The following TTC28 variants were observed in gnomAD, a reference collection of about 807,000 sequenced individuals.
TTC28 encodes the protein tetratricopeptide repeat protein 28.
A neutral mutation model predicts 198.0 loss-of-function variants in TTC28; 61 were observed. The observed-to-expected ratio is 0.31, with a 90% CI of 0.25 to 0.38. The LOEUF (loss-of-function observed/expected upper bound fraction) is 0.38, where lower values mean the gene tolerates loss of function less well. Ranked by LOEUF, TTC28 falls within the 10% of genes least tolerant of loss-of-function variation. The probability of loss-of-function intolerance (pLI) is 1.00; values close to 1 mark genes in which losing one functional copy is unlikely to be tolerated. For synonymous variants in TTC28, 1,171 were observed against 1,297.8 expected (o/e 0.90, Z 2.10); for missense variants, 2,678 against 3,164.0 (o/e 0.85, Z 3.69).
At chr22:28,138,532 A>C (rs1383787420) in intron 6 of TTC28, among the ~76,000 whole-genome samples, 1 of 152,236 alleles carries the variant, frequency 6.6e-6, no homozygotes, top group Non-Finnish European at 1.5e-5. Context: ...TTCTGGCAGA[A>C]GCCCATTCCT....
chr22:28,255,437 CT>C (rs1930829804), intron 5 of TTC28, among the ~76,000 whole-genome samples: 2 of 152,124 alleles, frequency 1.3e-5, no homozygotes, highest in East Asian at 3.9e-4. Context: ...AATCCCAGCA[CT>C]TCGGGAGGCG....
chr22:28,295,851 A>G (rs1280232486), intron 5 of TTC28, among the ~76,000 whole-genome samples: 1 of 152,176 alleles, frequency 6.6e-6, no homozygotes, highest in African/African-American at 2.4e-5. Context: ...AAAAAAACCA[A>G]TGTTTGCTTT....
At chr22:28,506,441 G>A (rs1285698440) in intron 2 of TTC28, among the ~76,000 whole-genome samples, 1 of 152,172 alleles carries the variant, frequency 6.6e-6, no homozygotes, top group Non-Finnish European at 1.5e-5. Context: ...GGGAGGGGTG[G>A]CTGCCATCTC....
chr22:28,413,996 T>G (rs893371369), intron 2 of TTC28, among the ~76,000 whole-genome samples: 2 of 152,244 alleles, frequency 1.3e-5, no homozygotes, highest in African/African-American at 4.8e-5. Flanking sequence ...AAAAATTCTC[T>G]GTTTAATCCA....
chr22:28,010,994 G>A (rs1938137018), intron 14 of TTC28, among the ~76,000 whole-genome samples: 1 of 152,184 alleles, frequency 6.6e-6, no homozygotes, highest in Non-Finnish European at 1.5e-5. Flanking sequence ...TGTAGAGTGG[G>A]CAGCAAGCAC....
At chr22:28,028,874 A>G (rs1938955063) in intron 13 of TTC28, 1 of 406,902 alleles carries the variant, frequency 2.5e-6, no homozygotes, top group African/African-American at 2.1e-5. Context: ...GTAAGAAGCC[A>G]TCCCCATTTC....
At chr22:28,230,610 T>C (rs763635663) in intron 5 of TTC28, among the ~76,000 whole-genome samples, 10 of 152,222 alleles carry the variant, frequency 6.6e-5, no homozygotes, top group African/African-American at 2.2e-4. Flanking sequence ...GTGCCTTCCC[T>C]GAATTACACA....
intron 12 of TTC28, among the ~76,000 whole-genome samples, chr22:28,078,991 T>C (rs1285643593): frequency 7.2e-5 from 11 of 152,042 alleles, no homozygotes; most frequent in African/African-American, 2.7e-4. Context: ...CACATGGAAA[T>C]GCTAAGCTGA....
intron 2 of TTC28, among the ~76,000 whole-genome samples, chr22:28,475,923 A>C (rs1343137533): frequency 6.6e-6 from 1 of 152,158 alleles, no homozygotes; most frequent in Non-Finnish European, 1.5e-5. Context: ...TTTTTCCTAC[A>C]ATAATTGCAA....
chr22:28,472,546 ATGTGTATGTGTGTGTGTGTG>A (rs1409039925), intron 2 of TTC28, among the ~76,000 whole-genome samples: 3 of 88,926 alleles, frequency 3.4e-5, no homozygotes, highest in Non-Finnish European at 7.7e-5. Flanking sequence ...CAAAAAGAAA[ATGTGTATGTGTGTGTGTGTG>A]TGTGTGTGTG....
intron 2 of TTC28, among the ~76,000 whole-genome samples, chr22:28,554,199 A>T (rs568517087): frequency 5.9e-5 from 9 of 151,914 alleles, no homozygotes; most frequent in Non-Finnish European, 8.8e-5. Context: ...AGTCATCACC[A>T]CTCCCTAATC....
intron 2 of TTC28, among the ~76,000 whole-genome samples, chr22:28,512,812 G>A (rs1372968992): frequency 6.6e-5 from 10 of 152,114 alleles, no homozygotes; most frequent in Admixed American, 6.6e-4. Context: ...GCTAACAGAT[G>A]CTGGGCTTAA....
chr22:28,676,290 G>C (rs2051988999), intron 1 of TTC28, among the ~76,000 whole-genome samples: 1 of 152,174 alleles, frequency 6.6e-6, no homozygotes, highest in Admixed American at 6.5e-5. Flanking sequence ...TTCATTCTGT[G>C]AAACCTCCAG....
chr22:28,670,182 C>T (rs2051856924), intron 1 of TTC28, among the ~76,000 whole-genome samples: 2 of 151,566 alleles, frequency 1.3e-5, no homozygotes, highest in Admixed American at 6.6e-5. Flanking sequence ...TTTTCTACAC[C>T]TCTAATGAAA....
rs1486388053 is a variant in TTC28 at position 28,367,243 on chromosome 22, TC to T, written c.382-60601del. ...AAAATTGAAATAATATCAAGTATCTTCCCTGACCACAATGGAATAAAACTAG... is the reference window on the plus strand; with the variant it reads ...AAAATTGAAATAATATCAAGTATCTTCCTGACCACAATGGAATAAAACTAG... On this transcript the variant is annotated intron_variant, in intron 2 of 22. Coordinates refer to ENST00000397906, the MANE Select transcript of TTC28 (RefSeq NM_001145418.2). 9.2e-5 allele frequency among the ~76,000 whole-genome samples: 14 copies of T among 152,140 alleles called. No homozygotes were observed. The South Asian group carries it at 2.9e-3, about 32-fold the overall frequency.
intron 12 of TTC28, among the ~76,000 whole-genome samples, chr22:28,083,892 G>A (rs1038329245): frequency 2.4e-4 from 36 of 152,232 alleles, no homozygotes; most frequent in Non-Finnish European, 3.2e-4. Context: ...AGGGTCCTAC[G>A]CCCACGGAGC....
At chr22:28,601,229 A>C (rs1316176233) in intron 2 of TTC28, among the ~76,000 whole-genome samples, 1 of 152,184 alleles carries the variant, frequency 6.6e-6, no homozygotes, top group Non-Finnish European at 1.5e-5. Flanking sequence ...TGAACAGTGA[A>C]TATTCTATTA....
intron 2 of TTC28, among the ~76,000 whole-genome samples, chr22:28,359,107 G>A (rs1327129023): frequency 6.6e-6 from 1 of 152,082 alleles, no homozygotes; most frequent in African/African-American, 2.4e-5. Flanking sequence ...TGCGCTATAA[G>A]GGTAAAAACA....
chr22:28,077,958 T>G (rs1349350102), intron 12 of TTC28, among the ~76,000 whole-genome samples: 1 of 152,152 alleles, frequency 6.6e-6, no homozygotes, highest in Non-Finnish European at 1.5e-5. Flanking sequence ...AGGGAACAAT[T>G]TACATACTGC....
Sources: gnomAD v4.1 joint callset for allele counts (sites outside exome capture counted in the v4.1 genomes callset) on GRCh38, gnomAD v4.1.1 for gene constraint, MANE v1.5 for transcripts, NCBI Gene and HGNC (gene_info 2026-07-23, HGNC 2026-07-21) for gene names.